Variants in RALGPS1 observed in about 807,000 individuals in gnomAD.
RALGPS1 encodes ras-specific guanine nucleotide-releasing factor RalGPS1.
A neutral mutation model predicts 78.8 loss-of-function variants in RALGPS1; 19 were observed. The observed-to-expected ratio is 0.24, with a 90% CI of 0.17 to 0.35. The LOEUF is 0.35. Among genes scored for constraint, RALGPS1 ranks in the 10% least tolerant of loss-of-function variants. The probability of loss-of-function intolerance (pLI) is 1.00; values close to 1 mark genes in which losing one functional copy is unlikely to be tolerated. For synonymous variants in RALGPS1, 228 were observed against 256.3 expected, an observed-to-expected ratio of 0.89 and a Z score of 1.06; for missense variants, 454 against 688.3, an observed-to-expected ratio of 0.66 and a Z score of 3.81.
At chr9:126,947,228 C>T (rs942488337) in intron 1 of RALGPS1, among the ~76,000 whole-genome samples, 3 of 152,146 alleles carry the variant, frequency 2.0e-5, no homozygotes, top group African/African-American at 2.4e-5. Flanking sequence ...ATCCACGCTA[C>T]CTGCCAGGCT....
intron 8 of RALGPS1, among the ~76,000 whole-genome samples, chr9:127,094,827 A>G (rs577061377): frequency 2.0e-5 from 3 of 152,318 alleles, no homozygotes; most frequent in East Asian, 3.9e-4. Context: ...TTGTGACTGC[A>G]CTGAGCTTGG....
At chr9:126,993,287 G>A (rs2042433762) in intron 4 of RALGPS1, among the ~76,000 whole-genome samples, 2 of 152,156 alleles carry the variant, frequency 1.3e-5, no homozygotes, top group African/African-American at 4.8e-5. Flanking sequence ...TGTTAAAATT[G>A]TGTTTAGAAT....
At chr9:126,937,681 A>G (rs2036391850) in intron 1 of RALGPS1, among the ~76,000 whole-genome samples, 1 of 152,186 alleles carries the variant, frequency 6.6e-6, no homozygotes, top group African/African-American at 2.4e-5. Flanking sequence ...TCCAGGATTC[A>G]GAGGAGAAAA....
intron 8 of RALGPS1, among the ~76,000 whole-genome samples, chr9:127,085,822 A>ACTCCACTCC (rs2136239586): frequency 6.6e-6 from 1 of 151,978 alleles, no homozygotes; most frequent in South Asian, 2.1e-4. Context: ...TGTCCCACAC[A>ACTCCACTCC]CTCCACTCCA....
chr9:127,042,982 A>C (rs1411600840), intron 5 of RALGPS1, among the ~76,000 whole-genome samples: 4 of 152,222 alleles, frequency 2.6e-5, no homozygotes, highest in African/African-American at 4.8e-5. Flanking sequence ...AGGTTCTGTT[A>C]ATATGGAAAC....
chr9:127,092,824 T>A (rs1252217015), intron 8 of RALGPS1, among the ~76,000 whole-genome samples: 1 of 151,940 alleles, frequency 6.6e-6, no homozygotes, highest in Non-Finnish European at 1.5e-5. Context: ...AGACACAGGC[T>A]GTTCAGGAGG....
At chr9:127,184,847 T>C (rs1017687377) in intron 11 of RALGPS1, among the ~76,000 whole-genome samples, 4 of 152,172 alleles carry the variant, frequency 2.6e-5, no homozygotes, top group Non-Finnish European at 5.9e-5. Context: ...CACAGCTGCC[T>C]CCCATTAATT....
At position 126,977,765 on chromosome 9, in the gene RALGPS1, A is replaced by G; in HGVS notation, c.216+20A>G. The G allele has an allele frequency of 1.3e-6, 2 of 1,565,006 alleles. No individual in the cohort carries two copies. Among genetic ancestry groups the G allele is most frequent in the Non-Finnish European group, 8.7e-7 (1 of 1,145,908 alleles). Reference sequence around the variant, plus strand: ...CCGGAGGTCTGTACTTTGTCTTTCTACTCTTCTATTCATGCTGTGGGTGGG... The same window carrying G: ...CCGGAGGTCTGTACTTTGTCTTTCTGCTCTTCTATTCATGCTGTGGGTGGG... On this transcript the variant is annotated intron_variant, in intron 4 of 18. Transcript: ENST00000259351.
intron 8 of RALGPS1, among the ~76,000 whole-genome samples, chr9:127,111,663 C>T (rs910290377): frequency 6.6e-6 from 1 of 152,216 alleles, no homozygotes; most frequent in African/African-American, 2.4e-5. Context: ...CTGGACTAAA[C>T]ATTTTGCAAG....
At chr9:126,988,591 G>T (rs1386824774) in intron 4 of RALGPS1, among the ~76,000 whole-genome samples, 1 of 152,142 alleles carries the variant, frequency 6.6e-6, no homozygotes, top group East Asian at 1.9e-4. Flanking sequence ...ATTTTAAAAG[G>T]GGAGCACCGT....
intron 11 of RALGPS1, chr9:127,184,345 A>C: frequency 6.0e-6 from 2 of 333,980 alleles, no homozygotes; most frequent in South Asian, 2.6e-5. Context: ...AAGGAAATGA[A>C]CCAGGCCCTC....
Position 127,218,711 on chromosome 9 carries a change from T to C in RALGPS1, c.1645-29T>C. On this transcript the variant is annotated intron_variant, in intron 18 of 18. Transcript: ENST00000259351. This position sits in a 1 kb window ranked among gnomAD's most constrained non-coding sequence, Gnocchi z 4.4. ...CTTGTCCTTCTCTGAGGTCGGAACT[T>C]TAACAAGAGGCTGAGCTTTCTCTTC... is the stretch of plus-strand genomic sequence containing the variant. The C allele has an allele frequency of 6.2e-7, 1 of 1,612,156 alleles. No homozygotes were observed.
chr9:127,050,990 A>G (rs1233160031), intron 6 of RALGPS1, among the ~76,000 whole-genome samples: 1 of 152,150 alleles, frequency 6.6e-6, no homozygotes, highest in Non-Finnish European at 1.5e-5. Flanking sequence ...GAGAACTTAG[A>G]GAGGTGAAGT....
chr9:127,181,946 C>T (rs2060246309), intron 11 of RALGPS1, among the ~76,000 whole-genome samples: 1 of 151,988 alleles, frequency 6.6e-6, no homozygotes, highest in Admixed American at 6.6e-5. Flanking sequence ...TGGGCCACAA[C>T]TGGCCTCCTA....
At chr9:127,138,091 G>A (rs2057523918) in intron 8 of RALGPS1, among the ~76,000 whole-genome samples, 2 of 152,176 alleles carry the variant, frequency 1.3e-5, no homozygotes, top group Admixed American at 6.5e-5. Flanking sequence ...AGGAGGGCTC[G>A]GCTCTGCAGG....
At position 127,218,910 on chromosome 9, in the gene RALGPS1, C is replaced by A. The variant is rs1365321895; in HGVS notation, c.*141C>A. The A allele has an allele frequency of 4.2e-6, 4 of 943,508 alleles. No individual in the cohort carries two copies. Among genetic ancestry groups the A allele is most frequent in the Non-Finnish European group, 6.8e-6 (4 of 586,032 alleles). 58.4% of individuals were successfully genotyped at this position (943,508 alleles called of 1,614,324 possible). ...GGACTCAGGGGACACGGCCTGTGGC[C>A]TCACCATCCCAGAGGGCTTCACCAG... On this transcript the variant is annotated 3_prime_UTR_variant, in exon 19 of 19. Coordinates refer to ENST00000259351, the MANE Select transcript of RALGPS1 (RefSeq NM_014636.3). This position sits in a 1 kb window ranked among gnomAD's most constrained non-coding sequence, Gnocchi z 4.4.
chr9:127,045,730 T>TAC lies in RALGPS1; in HGVS notation c.301-4283_301-4282dup, dbSNP rs60442898. Among the ~76,000 whole-genome samples the TAC allele has an allele frequency of 7.0e-3, 990 of 141,408 alleles. 26 individuals carry two copies. In the East Asian group the frequency reaches 0.079, roughly 11 times the overall value. 92.8% of individuals were successfully genotyped at this position (141,408 alleles called of 152,430 possible). On this transcript the variant is annotated intron_variant, in intron 5 of 18. Transcript: ENST00000259351. ...AGATATGTGTATAGGCATGGGTTAG[T>TAC]ACACACACACACACACACACACACA...
At chr9:126,938,755 G>C (rs1036137459) in intron 1 of RALGPS1, among the ~76,000 whole-genome samples, 2 of 152,224 alleles carry the variant, frequency 1.3e-5, no homozygotes, top group Non-Finnish European at 2.9e-5. Context: ...CACACTTCAC[G>C]ACAAATGTTT....
chr9:127,023,376 G>A (rs982892640), intron 4 of RALGPS1, among the ~76,000 whole-genome samples: 6 of 152,202 alleles, frequency 3.9e-5, no homozygotes, highest in Admixed American at 3.3e-4. Flanking sequence ...CTGGCACTTA[G>A]ATGGCTCTCT....
Sources: gnomAD v4.1 joint callset for allele counts (sites outside exome capture counted in the v4.1 genomes callset) on GRCh38, gnomAD v4.1.1 for gene constraint, Gnocchi (gnomAD v3.1) non-coding constraint, MANE v1.5 for transcripts, NCBI Gene and HGNC (gene_info 2026-07-23, HGNC 2026-07-21) for gene names.